The following FHIT variants were observed in gnomAD, a reference collection of about 807,000 sequenced individuals.
The protein encoded by FHIT is fragile histidine triad diadenosine triphosphatase.
In FHIT, 19 loss-of-function variants were observed where a neutral mutation model predicts 17.9. The ratio of observed to expected loss-of-function variants is 1.06; its 90% CI spans 0.74 to 1.56. FHIT has a LOEUF of 1.56. FHIT is among the 40% of genes most tolerant of loss of function. FHIT has a pLI of 0.00. For synonymous variants in FHIT, 81 were observed against 69.7 expected (o/e 1.16, Z -0.81); for missense variants, 248 against 189.2 (o/e 1.31, Z -1.82).
At chr3:60,255,652 T>C (rs1705951376) in intron 5 of FHIT, among the ~76,000 whole-genome samples, 1 of 152,128 alleles carries the variant, frequency 6.6e-6, no homozygotes, top group African/African-American at 2.4e-5. Flanking sequence ...TAGTTTATAT[T>C]TTTTTAAAGA....
chr3:59,881,678 T>A (rs2106955725), intron 8 of FHIT, among the ~76,000 whole-genome samples: 1 of 152,286 alleles, frequency 6.6e-6, no homozygotes, highest in Non-Finnish European at 1.5e-5. Flanking sequence ...TATAACCATT[T>A]TTTTCTTCAG....
At chr3:59,911,323 G>C (rs1704863121) in intron 8 of FHIT, among the ~76,000 whole-genome samples, 1 of 152,154 alleles carries the variant, frequency 6.6e-6, no homozygotes, top group Non-Finnish European at 1.5e-5. Context: ...CATAATGCAG[G>C]TAAGAGCATT....
intron 5 of FHIT, among the ~76,000 whole-genome samples, chr3:60,502,249 C>T (rs1051376150): frequency 6.6e-6 from 1 of 152,030 alleles, no homozygotes; most frequent in Admixed American, 6.6e-5. Context: ...ATCCCAGCAG[C>T]CTGGGAAAGA....
intron 5 of FHIT, among the ~76,000 whole-genome samples, chr3:60,069,314 C>T (rs1002441459): frequency 2.0e-5 from 3 of 152,044 alleles, no homozygotes; most frequent in African/African-American, 7.2e-5. Context: ...AAAAAATATC[C>T]AAATAGTTCA....
At chr3:60,318,593 A>C (rs1709273667) in intron 5 of FHIT, among the ~76,000 whole-genome samples, 1 of 152,206 alleles carries the variant, frequency 6.6e-6, no homozygotes, top group African/African-American at 2.4e-5. Context: ...TCAAGACCAC[A>C]ATGACTGACA....
chr3:60,781,980 T>C (rs2108097394), intron 4 of FHIT, among the ~76,000 whole-genome samples: 1 of 152,288 alleles, frequency 6.6e-6, no homozygotes, highest in African/African-American at 2.4e-5. Flanking sequence ...TTCTCCTAAC[T>C]GAATCATTGT....
At chr3:59,769,499 G>A (rs1207071482) in intron 8 of FHIT, among the ~76,000 whole-genome samples, 3 of 152,158 alleles carry the variant, frequency 2.0e-5, no homozygotes, top group Admixed American at 2.0e-4. Context: ...ATGTGCACAG[G>A]CTGTGTCGAA....
chr3:59,953,446 C>T (rs1559494080), intron 7 of FHIT, among the ~76,000 whole-genome samples: 2 of 152,092 alleles, frequency 1.3e-5, no homozygotes, highest in African/African-American at 2.4e-5. Flanking sequence ...ATATGTTAGC[C>T]GCACATGATT....
chr3:60,141,845 A>G lies in FHIT; in HGVS notation c.104-127693T>C, dbSNP rs1377164450. Among the ~76,000 whole-genome samples the G allele has an allele frequency of 2.0e-5, 3 of 152,216 alleles. No individual in the cohort carries two copies. In the East Asian group the frequency reaches 5.8e-4, roughly 29 times the overall value. ...AAATACAAGGACAGTTGCGCTAAACATATCTGTACTGGTAACAGTGATTCA... is the reference window on the plus strand; with the variant it reads ...AAATACAAGGACAGTTGCGCTAAACGTATCTGTACTGGTAACAGTGATTCA... On this transcript the variant is annotated intron_variant, in intron 5 of 9. Coordinates refer to ENST00000492590, the MANE Select transcript of FHIT (RefSeq NM_002012.4).
intron 5 of FHIT, among the ~76,000 whole-genome samples, chr3:60,060,844 C>T (rs898909511): frequency 6.6e-6 from 1 of 152,154 alleles, no homozygotes; most frequent in Non-Finnish European, 1.5e-5. Flanking sequence ...TTAATTACTT[C>T]TTGGAAAAAT....
chr3:60,877,628 G>T (rs1349603297), intron 3 of FHIT, among the ~76,000 whole-genome samples: 1 of 152,136 alleles, frequency 6.6e-6, no homozygotes, highest in East Asian at 1.9e-4. Flanking sequence ...GTGTCACATT[G>T]CCCCTTGGGG....
chr3:60,241,637 C>A (rs997546428), intron 5 of FHIT, among the ~76,000 whole-genome samples: 10 of 151,998 alleles, frequency 6.6e-5, no homozygotes, highest in African/African-American at 2.4e-4. Context: ...GAAACCAGTT[C>A]TGAAATGTCA....
At chr3:61,216,995 G>C (rs1374257921) in intron 1 of FHIT, among the ~76,000 whole-genome samples, 1 of 150,396 alleles carries the variant, frequency 6.6e-6, no homozygotes, top group Non-Finnish European at 1.5e-5. Context: ...GGACTGTTGT[G>C]GGGTAGGGGG....
At chr3:60,425,960 T>C (rs917459720) in intron 5 of FHIT, among the ~76,000 whole-genome samples, 4 of 152,128 alleles carry the variant, frequency 2.6e-5, no homozygotes, top group African/African-American at 9.7e-5. Context: ...GGAATTGATA[T>C]GTAATATGCA....
chr3:61,097,094 A>G (rs1230942298), intron 2 of FHIT, among the ~76,000 whole-genome samples: 1 of 151,994 alleles, frequency 6.6e-6, no homozygotes. Context: ...AAAAAAAAAA[A>G]AAAAAGACGG....
At chr3:60,955,635 C>CATATACAT (rs1553778580) in intron 3 of FHIT, among the ~76,000 whole-genome samples, 2 of 48,344 alleles carry the variant, frequency 4.1e-5, no homozygotes, top group African/African-American at 7.3e-5. Context: ...TATATATATA[C>CATATACAT]ACACACACAC....
chr3:60,642,798 G>A (rs374673486), intron 4 of FHIT, among the ~76,000 whole-genome samples: 2 of 152,084 alleles, frequency 1.3e-5, no homozygotes, highest in East Asian at 3.9e-4. Flanking sequence ...TCTGGCCCTG[G>A]GTTTTGTACC....
At chr3:60,597,607 G>T (rs1311745017) in intron 4 of FHIT, among the ~76,000 whole-genome samples, 1 of 152,102 alleles carries the variant, frequency 6.6e-6, no homozygotes, top group African/African-American at 2.4e-5. Flanking sequence ...AAATGACAGT[G>T]AAGTCTAAGT....
At position 60,172,242 on chromosome 3, in the gene FHIT, G is replaced by T. The variant is rs1281200532; in HGVS notation, c.104-158090C>A. On this transcript the variant is annotated intron_variant, in intron 5 of 9. Coordinates refer to ENST00000492590, the MANE Select transcript of FHIT (RefSeq NM_002012.4). ...AGCCAGGTAGTAAATAGGCCTAGAA[G>T]AAGTATGGGTTTTTTGTTTGTTTGT... 1.3e-5 allele frequency among the ~76,000 whole-genome samples: 2 copies of T among 151,996 alleles called. 1 individual carries two copies. The highest frequency in any genetic ancestry group is 2.9e-5 in the Non-Finnish European group (2 of 67,988).
Sources: gnomAD v4.1 joint callset for allele counts (sites outside exome capture counted in the v4.1 genomes callset) on GRCh38, gnomAD v4.1.1 for gene constraint, MANE v1.5 for transcripts, NCBI Gene and HGNC (gene_info 2026-07-23, HGNC 2026-07-21) for gene names.